The following DSCAM variants were observed in gnomAD, a reference collection of about 807,000 sequenced individuals.
DSCAM encodes the protein cell adhesion molecule DSCAM.
Under a neutral mutation model 217.7 loss-of-function variants are expected in DSCAM, and 47 were observed. That is an observed-to-expected ratio of 0.22 (90% confidence interval 0.17 to 0.28). The LOEUF is 0.28. Among genes scored for constraint, DSCAM ranks in the 10% least tolerant of loss-of-function variants. The probability of loss-of-function intolerance (pLI) is 1.00; values close to 1 mark genes in which losing one functional copy is unlikely to be tolerated. For missense variants in DSCAM, 2,080 were observed against 2,618.3 expected (o/e 0.79, Z 4.49); for synonymous variants, 1,056 against 1,015.3 (o/e 1.04, Z -0.76).
chr21:40,108,687 G>T (rs575174335), intron 20 of DSCAM, among the ~76,000 whole-genome samples: 3 of 152,274 alleles, frequency 2.0e-5, no homozygotes, highest in South Asian at 4.2e-4. Context: ...AGCCCAAACA[G>T]CCAAGGCAAT....
chr21:40,523,686 A>G (rs1260887973), intron 3 of DSCAM, among the ~76,000 whole-genome samples: 1 of 152,166 alleles, frequency 6.6e-6, no homozygotes, highest in African/African-American at 2.4e-5. Context: ...CAAAGCAAGA[A>G]ATCCTGGGAT....
At chr21:40,214,752 A>C (rs1332586669) in intron 11 of DSCAM, among the ~76,000 whole-genome samples, 55 of 149,570 alleles carry the variant, frequency 3.7e-4, no homozygotes, top group Admixed American at 1.4e-3. Context: ...AAAAAAAAAA[A>C]CAAAACAAAA....
intron 3 of DSCAM, among the ~76,000 whole-genome samples, chr21:40,600,363 T>C (rs1314949135): frequency 1.3e-5 from 2 of 152,176 alleles, no homozygotes; most frequent in African/African-American, 2.4e-5. Context: ...TGCTACGTCC[T>C]CACATGGTGG....
intron 3 of DSCAM, among the ~76,000 whole-genome samples, chr21:40,410,965 T>C (rs146315414): frequency 2.6e-5 from 4 of 152,270 alleles, no homozygotes; most frequent in African/African-American, 9.6e-5. Flanking sequence ...GTAACACCTT[T>C]TATTATCAGT....
chr21:40,496,334 G>A (rs1026273025), intron 3 of DSCAM, among the ~76,000 whole-genome samples: 1 of 151,994 alleles, frequency 6.6e-6, no homozygotes, highest in Non-Finnish European at 1.5e-5. Context: ...CAGACCAGTT[G>A]CACAGAATAC....
chr21:40,535,738 T>G (rs189146098), intron 3 of DSCAM, among the ~76,000 whole-genome samples: 1 of 152,256 alleles, frequency 6.6e-6, no homozygotes, highest in East Asian at 1.9e-4. Context: ...CATAACATGC[T>G]AAAGGTTGGT....
At chr21:40,274,075 T>C (rs1022987655) in intron 11 of DSCAM, among the ~76,000 whole-genome samples, 2 of 152,200 alleles carry the variant, frequency 1.3e-5, no homozygotes, top group Non-Finnish European at 2.9e-5. Flanking sequence ...CCACCAGTTG[T>C]GTATTCTGCC....
intron 1 of DSCAM, among the ~76,000 whole-genome samples, chr21:40,780,413 G>GTATATATA (rs1196794146): frequency 8.2e-4 from 37 of 45,104 alleles, no homozygotes; most frequent in Non-Finnish European, 1.1e-3. Flanking sequence ...GTGTGTGTGT[G>GTATATATA]TGTGTGTGTG....
At chr21:40,528,898 C>CTTTTTTTTTTTT (rs911356584) in intron 3 of DSCAM, among the ~76,000 whole-genome samples, 23 of 99,386 alleles carry the variant, frequency 2.3e-4, no homozygotes, top group South Asian at 8.4e-4. Context: ...AGGCTTTCCA[C>CTTTTTTTTTTTT]TTTTTTTTTT....
chr21:40,592,344 C>T (rs902994200), intron 3 of DSCAM, among the ~76,000 whole-genome samples: 2 of 152,134 alleles, frequency 1.3e-5, no homozygotes, highest in Non-Finnish European at 2.9e-5. Context: ...ATATCACATA[C>T]TCATATGAGC....
chr21:40,048,483 CAG>C (rs1472232151), intron 30 of DSCAM, among the ~76,000 whole-genome samples: 6 of 152,164 alleles, frequency 3.9e-5, no homozygotes, highest in Non-Finnish European at 2.9e-5. Context: ...TCACTACTGA[CAG>C]AGATAAATAG....
intron 3 of DSCAM, among the ~76,000 whole-genome samples, chr21:40,652,361 A>C (rs1392193407): frequency 1.4e-5 from 2 of 140,936 alleles, no homozygotes; most frequent in Non-Finnish European, 3.1e-5. Context: ...AAAAAAAAAA[A>C]ACAACTTCTA....
In DSCAM at chr21:40,016,606, G is replaced by A. The variant is rs961257812; in HGVS notation, c.5687-3220C>T. ...TACTGTATGCTAACAATAATTAATT[G>A]AGCCTTCCTCATCCAGCCCCTTTGG... is the stretch of plus-strand genomic sequence containing the variant. On this transcript the variant is annotated intron_variant, in intron 32 of 32. Transcript: ENST00000400454. The surrounding 1 kb of genome is among the most constrained non-coding windows in gnomAD (Gnocchi z 4.3). Among the ~76,000 whole-genome samples the A allele has an allele frequency of 6.6e-6, 1 of 152,076 alleles. No individual in the cohort carries two copies. Among genetic ancestry groups the A allele is most frequent in the East Asian group, 1.9e-4 (1 of 5,184 alleles).
In DSCAM at chr21:40,013,386, C is replaced by A; in HGVS notation, c.5687G>T (p.Gly1896Val). The change falls in exon 33 of 33, where the codon GGT (glycine) becomes GTT (valine). Residue 1896 changes from glycine to valine, a missense_variant and splice_region_variant. Physicochemically the swap from Gly to Val is moderately radical, Grantham distance 109. This residue lies in a region of DSCAM where 145 missense variants were observed against 138.5 expected (regional missense o/e 1.05). Transcript: ENST00000400454. The stretch of plus-strand genomic sequence containing the variant: ...GTATGGAGGCAAATGTATGAGGTCA[C>A]CTAGAAGGAAAGACAGGGTAGTTAG... ...NMAVPKAHRP[G>V]DLIHLPPYLR... is the part of the protein sequence containing the mutation. The A allele has an allele frequency of 1.3e-6, 2 of 1,536,600 alleles. No individual in the cohort carries two copies. Among genetic ancestry groups the A allele is most frequent in the African/African-American group, 1.4e-5 (1 of 72,614 alleles).
chr21:40,334,038 A>G (rs960945802), intron 8 of DSCAM, among the ~76,000 whole-genome samples: 1 of 152,142 alleles, frequency 6.6e-6, no homozygotes, highest in African/African-American at 2.4e-5. Context: ...TTTTTGTCAG[A>G]CTTTATTTTC....
At chr21:40,661,475 C>T (rs2090138977) in intron 3 of DSCAM, among the ~76,000 whole-genome samples, 1 of 152,178 alleles carries the variant, frequency 6.6e-6, no homozygotes, top group African/African-American at 2.4e-5. Context: ...CACAAAATAT[C>T]TGCTCTGTAC....
At chr21:40,604,208 C>G (rs1969914183) in intron 3 of DSCAM, among the ~76,000 whole-genome samples, 1 of 151,950 alleles carries the variant, frequency 6.6e-6, no homozygotes, top group African/African-American at 2.4e-5. Context: ...TTGTTTATAT[C>G]TAGTCTATTA....
intron 4 of DSCAM, among the ~76,000 whole-genome samples, chr21:40,355,563 G>A (rs1473493500): frequency 6.6e-6 from 1 of 152,174 alleles, no homozygotes; most frequent in Non-Finnish European, 1.5e-5. Context: ...GATGCTAAAC[G>A]TAAAACTCAG....
chr21:40,248,690 C>A (rs1311264591), intron 11 of DSCAM, among the ~76,000 whole-genome samples: 2 of 152,212 alleles, frequency 1.3e-5, no homozygotes, highest in Non-Finnish European at 2.9e-5. Context: ...CTGTTCCAAC[C>A]TCTGCCGGTT....
Sources: allele counts gnomAD v4.1 joint callset (sites outside exome capture counted in the v4.1 genomes callset), GRCh38; gene constraint gnomAD v4.1.1; regional missense constraint gnomAD v4.1.1; non-coding constraint Gnocchi (gnomAD v3.1); transcripts MANE v1.5; gene names NCBI Gene and HGNC (gene_info 2026-07-23, HGNC 2026-07-21).